Variants in CLTC observed in about 807,000 individuals in gnomAD.
CLTC encodes clathrin heavy chain 1.
Under a neutral mutation model 195.8 loss-of-function variants are expected in CLTC, and 16 were observed. The observed-to-expected ratio is 0.08, with a 90% CI of 0.06 to 0.12. The LOEUF (loss-of-function observed/expected upper bound fraction) is 0.12, where lower values mean the gene tolerates loss of function less well. CLTC is among the 10% of genes least tolerant of loss of function. The pLI is 1.00. For missense variants in CLTC, 796 were observed against 2,027.0 expected (o/e 0.39, Z 11.66); for synonymous variants, 667 against 689.4 (o/e 0.97, Z 0.51).
rs574753402 is a variant in CLTC at position 59,639,832 on chromosome 17, G to A, written c.43-4444G>A. ...AAAAAAAAAAAATTAGCCAGGCATGGTGGCGCCTGTAGTCTCAGGTACTGA... is the reference window on the plus strand; with the variant it reads ...AAAAAAAAAAAATTAGCCAGGCATGATGGCGCCTGTAGTCTCAGGTACTGA... On this transcript the variant is annotated intron_variant, in intron 1 of 31. Transcript: ENST00000269122. Among the ~76,000 whole-genome samples, 12 of 151,842 alleles carry A rather than the reference G, an allele frequency of 7.9e-5. No individual in the cohort carries two copies. The East Asian group carries it at 1.7e-3, about 22-fold the overall frequency.
In CLTC at chr17:59,628,960, C is replaced by A. The variant is rs193295802; in HGVS notation, c.42+8787C>A. Among the ~76,000 whole-genome samples the A allele has an allele frequency of 1.5e-4, 23 of 152,202 alleles. 1 individual carries two copies. The East Asian group carries it at 4.2e-3, about 28-fold the overall frequency. On this transcript the variant is annotated intron_variant, in intron 1 of 31. Transcript: ENST00000269122. ...TACAGGCGTGAGCCATCGTGCCTGG[C>A]CAACTTGCATTTATTTCTGATTAGC...
At chr17:59,643,064 T>C (rs569752864) in intron 1 of CLTC, among the ~76,000 whole-genome samples, 1 of 152,100 alleles carries the variant, frequency 6.6e-6, no homozygotes, top group East Asian at 1.9e-4. Flanking sequence ...GGAGGAAAAC[T>C]GTATTGCTAG....
Position 59,679,427 on chromosome 17 carries a change from C to A in CLTC, c.2827C>A (p.Leu943Ile). The change falls in exon 18 of 32, where the codon CTT (leucine) becomes ATT (isoleucine). Residue 943 changes from leucine (L) to isoleucine (I), a missense_variant. By Grantham distance (5) the Leu-to-Ile change is conservative. Transcript: ENST00000269122. ...VCNENSLFKS[L>I]SRYLVRRKDP... Reference sequence around the variant, plus strand: ...CAATGAGAATTCCCTCTTCAAAAGTCTTTCTCGCTACCTGGTACGTCGAAA... The same window carrying A: ...CAATGAGAATTCCCTCTTCAAAAGTATTTCTCGCTACCTGGTACGTCGAAA... 6.2e-7 allele frequency: 1 copy of A among 1,606,798 alleles called. No individual in the cohort carries two copies. Among genetic ancestry groups the A allele is most frequent in the Non-Finnish European group, 8.5e-7 (1 of 1,176,172 alleles).
At chr17:59,674,532 A>G in intron 15 of CLTC, 169 bp from the exon 16 acceptor site, 1 of 556,050 alleles carries the variant, frequency 1.8e-6, no homozygotes, top group Non-Finnish European at 3.1e-6. Context: ...TTCCTGCTAA[A>G]TTCCTCTATC....
At chr17:59,650,026 G>T (rs747954785) in intron 4 of CLTC, among the ~76,000 whole-genome samples, 5 of 152,170 alleles carry the variant, frequency 3.3e-5, no homozygotes, top group Non-Finnish European at 5.9e-5. Context: ...TTTGAAGGAA[G>T]ATACCAAGTT....
chr17:59,647,305 A>C, intron 2 of CLTC, 93 bp from the exon 3 acceptor site: 1 of 964,230 alleles, frequency 1.0e-6, no homozygotes, highest in Non-Finnish European at 1.5e-6. Context: ...TAATAGAACT[A>C]TTTTTGTTTG....
chr17:59,632,196 G>A (rs1403594285), intron 1 of CLTC, among the ~76,000 whole-genome samples: 2 of 151,390 alleles, frequency 1.3e-5, no homozygotes, highest in Non-Finnish European at 2.9e-5. Context: ...GTGAAACCCC[G>A]TCTCTACTAA....
Position 59,644,392 on chromosome 17 carries a change from T to C in CLTC, c.159T>C (p.Ile53=). ...GAGAGCAGGCCCAGGTGGTAATCAT[T>C]GATATGAATGACCCAAGTAATCCAA... The part of the protein sequence containing the change: ...KVGEQAQVVI[I]DMNDPSNPIR... Residue 53 remains isoleucine, a synonymous_variant, in exon 2 of 32, where the codon ATT becomes ATC. Transcript: ENST00000269122. The C allele has an allele frequency of 6.2e-7, 1 of 1,614,160 alleles. No homozygotes were observed. Among genetic ancestry groups the C allele is most frequent in the Non-Finnish European group, 8.5e-7 (1 of 1,180,028 alleles).
rs144135349 is a variant in CLTC at position 59,622,651 on chromosome 17, G to A, written c.42+2478G>A. Among the ~76,000 whole-genome samples the A allele has an allele frequency of 8.2e-3, 1,250 of 152,124 alleles. 9 individuals carry two copies. Among genetic ancestry groups the A allele is most frequent in the Non-Finnish European group, 0.012 (829 of 67,964 alleles). The stretch of plus-strand genomic sequence containing the variant: ...GACCTCCCAAAGTGCTGGGATAATA[G>A]GTGTGAACCACCGAGCCCAACTAAT... On this transcript the variant is annotated intron_variant, in intron 1 of 31. Coordinates refer to ENST00000269122, the MANE Select transcript of CLTC (RefSeq NM_004859.4).
Position 59,648,151 on chromosome 17 carries a change from C to A in CLTC, c.520-89C>A. 2 of 1,194,912 alleles carry A rather than the reference C, an allele frequency of 1.7e-6. No individual in the cohort carries two copies. Among genetic ancestry groups the A allele is most frequent in the South Asian group, 1.7e-5 (1 of 59,602 alleles). 74.0% of individuals were successfully genotyped at this position (1,194,912 alleles called of 1,614,324 possible). On this transcript the variant is annotated intron_variant, in intron 3 of 31. Transcript: ENST00000269122. This position sits in a 1 kb window ranked among gnomAD's most constrained non-coding sequence, Gnocchi z 4.5. The stretch of plus-strand genomic sequence containing the variant: ...TAATTATAAATCCTGCTAAAGATGA[C>A]AAAGCATTCTAATTATTTCATTACT...
Position 59,648,218 on chromosome 17 carries a change from T to C in CLTC, c.520-22T>C. ...TTTTGATTTATGGGTCTTCAAACGT[T>C]ATTCTCTTTGATCCTTTATAGCAAA... On this transcript the variant is annotated intron_variant, in intron 3 of 31. Coordinates refer to ENST00000269122, the MANE Select transcript of CLTC (RefSeq NM_004859.4). The surrounding 1 kb of genome is among the most constrained non-coding windows in gnomAD (Gnocchi z 4.5). The C allele has an allele frequency of 6.3e-7, 1 of 1,587,768 alleles. No individual in the cohort carries two copies. The highest frequency in any genetic ancestry group is 8.6e-7 in the Non-Finnish European group (1 of 1,166,280).
intron 6 of CLTC, among the ~76,000 whole-genome samples, chr17:59,658,465 A>G (rs2032529341): frequency 6.6e-6 from 1 of 152,160 alleles, no homozygotes; most frequent in Non-Finnish European, 1.5e-5. Flanking sequence ...TTCCTCCCAA[A>G]TTTTATGTGC....
At position 59,644,429 on chromosome 17, in the gene CLTC, A is replaced by G. The variant is rs1409580657; in HGVS notation, c.196A>G (p.Ile66Val). The G allele has an allele frequency of 3.7e-6, 6 of 1,614,142 alleles. No homozygotes were observed. Among genetic ancestry groups the G allele is most frequent in the African/African-American group, 1.3e-5 (1 of 75,040 alleles). ...CCCAAGTAATCCAATTCGAAGACCA[A>G]TTTCAGCAGACAGCGCCATCATGAA... Reference protein sequence around the residue: ...NDPSNPIRRPISADSAIMNPA... With the variant: ...NDPSNPIRRPVSADSAIMNPA... The change falls in exon 2 of 32, where the codon ATT becomes GTT. Residue 66 changes from isoleucine (I) to valine (V), a missense_variant. Physicochemically the swap from Ile to Val is conservative, Grantham distance 29 (BLOSUM62 3). Transcript: ENST00000269122.
At chr17:59,663,610 C>T (rs1008932933) in intron 8 of CLTC, among the ~76,000 whole-genome samples, 1 of 152,124 alleles carries the variant, frequency 6.6e-6, no homozygotes, top group African/African-American at 2.4e-5. Context: ...TATAAGATTG[C>T]AGTCTTGGTG....
intron 1 of CLTC, among the ~76,000 whole-genome samples, chr17:59,641,645 C>T (rs950090729): frequency 2.0e-5 from 3 of 149,532 alleles, no homozygotes; most frequent in African/African-American, 7.4e-5. Flanking sequence ...TCACTTGCCT[C>T]CTGTTTAATT....
chr17:59,620,200 G>A lies in CLTC; in HGVS notation c.42+27G>A, dbSNP rs775486775. 9.3e-6 allele frequency: 15 copies of A among 1,613,422 alleles called. No homozygotes were observed. In the South Asian group the frequency reaches 9.9e-5, roughly 11 times the overall value. ...TGCGGCCGGGCCCGGGCTGGTGAGG[G>A]CTGTGGAGAAGGTGGTAGGAAGGAT... On this transcript the variant is annotated intron_variant, in intron 1 of 31. Transcript: ENST00000269122.
At chr17:59,628,111 A>G (rs2031605865) in intron 1 of CLTC, among the ~76,000 whole-genome samples, 1 of 152,138 alleles carries the variant, frequency 6.6e-6, no homozygotes, top group South Asian at 2.1e-4. Context: ...TCCTTAGGTA[A>G]ATAAGGATTT....
chr17:59,656,087 C>A, intron 6 of CLTC, 60 bp downstream of exon 6: 3 of 1,409,548 alleles, frequency 2.1e-6, no homozygotes, highest in Non-Finnish European at 2.9e-6. Context: ...TGGGAACAAT[C>A]CTGTCCTTTT....
intron 1 of CLTC, among the ~76,000 whole-genome samples, chr17:59,626,312 T>C (rs1249127151): frequency 3.9e-5 from 6 of 152,192 alleles, no homozygotes; most frequent in Non-Finnish European, 8.8e-5. Flanking sequence ...AATATTGATA[T>C]GATACAAAGT....
Sources: allele counts gnomAD v4.1 joint callset (sites outside exome capture counted in the v4.1 genomes callset), GRCh38; gene constraint gnomAD v4.1.1; non-coding constraint Gnocchi (gnomAD v3.1); transcripts MANE v1.5; gene names NCBI Gene and HGNC (gene_info 2026-07-23, HGNC 2026-07-21).